Variants in GADL1 observed in about 807,000 individuals in gnomAD.
The protein encoded by GADL1 is acidic amino acid decarboxylase GADL1.
A neutral mutation model predicts 69.5 loss-of-function variants in GADL1; 71 were observed. The ratio of observed to expected loss-of-function variants is 1.02; its 90% CI spans 0.84 to 1.25. GADL1 has a LOEUF of 1.25. Among genes scored for constraint, GADL1 ranks in the 50% most tolerant of loss-of-function variants. The pLI is 0.00. For synonymous variants in GADL1, 254 were observed against 214.4 expected (o/e 1.18, Z -1.62); for missense variants, 737 against 631.8 (o/e 1.17, Z -1.79).
intron 3 of GADL1, among the ~76,000 whole-genome samples, chr3:30,855,528 G>A (rs1419588988): frequency 6.6e-6 from 1 of 151,982 alleles, no homozygotes; most frequent in Non-Finnish European, 1.5e-5. Flanking sequence ...TCACTATGCG[G>A]CTTACATACA....
At chr3:30,891,651 T>TA (rs11462622) in intron 1 of GADL1, among the ~76,000 whole-genome samples, 4,930 of 144,808 alleles carry the variant, frequency 0.034, 191 homozygotes, top group African/African-American at 0.095. Context: ...TTCCTTAAAA[T>TA]AAAAAAAAAA....
chr3:30,770,502 T>G lies in GADL1; in HGVS notation c.1392+7677A>C, dbSNP rs774860253. On this transcript the variant is annotated intron_variant, in intron 14 of 14. Coordinates refer to ENST00000282538, the MANE Select transcript of GADL1 (RefSeq NM_207359.3). ...TGCAGAACAATAGATGTTCATGAAA[T>G]GCAGATTTAGCTGTGTTCCTTGGCC... Among the ~76,000 whole-genome samples, 3 of 152,316 alleles carry G rather than the reference T, an allele frequency of 2.0e-5. No homozygotes were observed. The South Asian group carries it at 6.2e-4, about 32-fold the overall frequency.
At chr3:30,748,920 C>T (rs1695754980) in intron 14 of GADL1, among the ~76,000 whole-genome samples, 1 of 152,142 alleles carries the variant, frequency 6.6e-6, no homozygotes, top group South Asian at 2.1e-4. Context: ...GTGCTGTTAG[C>T]ACTGAATAAA....
At chr3:30,769,198 G>GC (rs917056114) in intron 14 of GADL1, among the ~76,000 whole-genome samples, 3 of 152,120 alleles carry the variant, frequency 2.0e-5, no homozygotes, top group Admixed American at 6.6e-5. Context: ...AGCTCCCACA[G>GC]CCCCAAAGCA....
At chr3:30,765,989 A>G (rs924339587) in intron 14 of GADL1, among the ~76,000 whole-genome samples, 3 of 152,180 alleles carry the variant, frequency 2.0e-5, no homozygotes, top group South Asian at 2.1e-4. Flanking sequence ...AGGGGTACTC[A>G]TGCTCAGGTG....
At chr3:30,878,494 G>C (rs1457543659) in intron 1 of GADL1, among the ~76,000 whole-genome samples, 2 of 151,836 alleles carry the variant, frequency 1.3e-5, no homozygotes, top group African/African-American at 4.8e-5. Context: ...CAAACAGGCT[G>C]GAATGAATGC....
intron 14 of GADL1, among the ~76,000 whole-genome samples, chr3:30,759,951 GAA>G (rs936066918): frequency 6.6e-6 from 1 of 151,892 alleles, no homozygotes; most frequent in Admixed American, 6.5e-5. Context: ...GTAAGTTGAA[GAA>G]AGATTCACGG....
chr3:30,812,741 G>A (rs1407789479), intron 11 of GADL1, among the ~76,000 whole-genome samples: 1 of 152,198 alleles, frequency 6.6e-6, no homozygotes, highest in African/African-American at 2.4e-5. Context: ...GCTCTGATAG[G>A]AAGAACTGTG....
intron 14 of GADL1, among the ~76,000 whole-genome samples, chr3:30,733,039 T>TA (rs372812821): frequency 2.4e-4 from 37 of 152,006 alleles, no homozygotes; most frequent in African/African-American, 4.6e-4. Flanking sequence ...GACTCTGTCT[T>TA]AAAAAAAAGT....
At chr3:30,790,150 C>T (rs1361138347) in intron 12 of GADL1, among the ~76,000 whole-genome samples, 1 of 152,138 alleles carries the variant, frequency 6.6e-6, no homozygotes, top group Non-Finnish European at 1.5e-5. Flanking sequence ...TTTGAACACT[C>T]AGGCCATTGT....
intron 12 of GADL1, 67 bp downstream of exon 12, chr3:30,800,804 TAGACACACACACACACAC>T: frequency 1.0e-6 from 1 of 961,122 alleles, no homozygotes; most frequent in East Asian, 2.7e-5. Context: ...CAGACACAGA[TAGACACACACACACACAC>T]ACACACACAC....
chr3:30,756,978 G>A (rs1695990132), intron 14 of GADL1, among the ~76,000 whole-genome samples: 1 of 152,140 alleles, frequency 6.6e-6, no homozygotes, highest in East Asian at 1.9e-4. Context: ...GGGGTAATAA[G>A]TAGAAAATGT....
chr3:30,892,581 C>A (rs1372233119), intron 1 of GADL1, among the ~76,000 whole-genome samples: 1 of 152,170 alleles, frequency 6.6e-6, no homozygotes, highest in Non-Finnish European at 1.5e-5. Context: ...CCACCACAAG[C>A]TACAGACATG....
intron 14 of GADL1, among the ~76,000 whole-genome samples, chr3:30,762,904 A>G (rs545335182): frequency 2.0e-5 from 3 of 152,226 alleles, no homozygotes; most frequent in South Asian, 4.1e-4. Context: ...CCATGTTTCA[A>G]ATGACTGGAT....
At chr3:30,885,837 T>A (rs1575248451) in intron 1 of GADL1, among the ~76,000 whole-genome samples, 2 of 152,008 alleles carry the variant, frequency 1.3e-5, no homozygotes, top group East Asian at 3.9e-4. Context: ...GAACTCCTGA[T>A]CTCAAGTGAT....
intron 11 of GADL1, among the ~76,000 whole-genome samples, chr3:30,810,052 G>T (rs560621631): frequency 6.6e-6 from 1 of 152,180 alleles, no homozygotes; most frequent in South Asian, 2.1e-4. Context: ...TGAACAGTCT[G>T]CCCTGTTCTC....
At chr3:30,796,000 GTTGAA>G (rs756747281) in intron 12 of GADL1, among the ~76,000 whole-genome samples, 6 of 152,210 alleles carry the variant, frequency 3.9e-5, no homozygotes, top group African/African-American at 7.2e-5. Context: ...ATAAGTGTTT[GTTGAA>G]TTGAATTGAA....
chr3:30,753,924 G>A (rs761560709), intron 14 of GADL1, among the ~76,000 whole-genome samples: 11 of 152,254 alleles, frequency 7.2e-5, no homozygotes, highest in Non-Finnish European at 1.6e-4. Context: ...CCAGAAGAGG[G>A]AAGCAATTGC....
At chr3:30,780,716 A>C (rs1370710212) in intron 13 of GADL1, among the ~76,000 whole-genome samples, 1 of 152,234 alleles carries the variant, frequency 6.6e-6, no homozygotes, top group African/African-American at 2.4e-5. Flanking sequence ...CTTACTAAAA[A>C]ATGCAAAAGG....
Sources: gnomAD v4.1 joint callset for allele counts (sites outside exome capture counted in the v4.1 genomes callset) on GRCh38, gnomAD v4.1.1 for gene constraint, MANE v1.5 for transcripts, NCBI Gene and HGNC (gene_info 2026-07-23, HGNC 2026-07-21) for gene names.